Variants in SPECC1 observed in about 807,000 individuals in gnomAD.
SPECC1 encodes cytospin-B.
SPECC1 carries 62 observed loss-of-function variants against 104.1 expected under a neutral mutation model. That is an observed-to-expected ratio of 0.60 (90% CI 0.49 to 0.74). The LOEUF (loss-of-function observed/expected upper bound fraction) is 0.74, where lower values mean the gene tolerates loss of function less well. Ranked by LOEUF, SPECC1 falls within the 30% of genes least tolerant of loss-of-function variation. The pLI, the probability that SPECC1 is intolerant of heterozygous loss-of-function variation, is 0.00. For missense variants in SPECC1, 1,306 were observed against 1,310.5 expected, an observed-to-expected ratio of 1.00 and a Z score of 0.05; for synonymous variants, 513 against 501.6, an observed-to-expected ratio of 1.02 and a Z score of -0.30.
At chr17:20,265,031 G>C (rs190434523) in intron 12 of SPECC1, among the ~76,000 whole-genome samples, 3 of 152,234 alleles carry the variant, frequency 2.0e-5, no homozygotes, top group Non-Finnish European at 4.4e-5. Flanking sequence ...ACCCACTGTT[G>C]GTGGGTACTT....
intron 1 of SPECC1, among the ~76,000 whole-genome samples, chr17:20,030,702 A>G (rs2044773681): frequency 6.6e-6 from 1 of 152,188 alleles, no homozygotes; most frequent in Non-Finnish European, 1.5e-5. Context: ...TTCTGTGAGA[A>G]TTCAGATTAC....
intron 3 of SPECC1, chr17:20,156,318 GC>G: frequency 7.7e-7 from 1 of 1,292,926 alleles, no homozygotes; most frequent in Non-Finnish European, 9.9e-7. Flanking sequence ...CCTCCGGCTC[GC>G]GGCGCCGACT....
At position 20,184,181 on chromosome 17, in the gene SPECC1, CAAAAAAA is replaced by C. The variant is rs759475722; in HGVS notation, c.284-20136_284-20130del. Among the ~76,000 whole-genome samples, 424 of 44,212 alleles carry C rather than the reference CAAAAAAA, an allele frequency of 9.6e-3. 6 individuals are homozygous for C. The highest frequency in any genetic ancestry group is 0.03 in the African/African-American group (393 of 12,992). 29.0% of individuals were successfully genotyped at this position (44,212 alleles called of 152,430 possible). A position where few individuals can be genotyped will look rare whatever the true frequency, so the allele number is the denominator to read the frequency against. On this transcript the variant is annotated intron_variant, in intron 3 of 14. Coordinates refer to ENST00000395527, the MANE Select transcript of SPECC1 (RefSeq NM_001243439.2). ...GGGTGACAGAGCAAGACTCCTGTCT[CAAAAAAA>C]AAAAAAAAAAAAAAAGATGTAGAGG...
rs1203681682 is a variant in SPECC1, at chr17:20,315,349, G to GC, written c.*1287dup. The GC allele has an allele frequency of 1.3e-5, 3 of 232,744 alleles. No individual in the cohort carries two copies. Among genetic ancestry groups the GC allele is most frequent in the Non-Finnish European group, 1.7e-5 (2 of 117,844 alleles). 14.4% of individuals were successfully genotyped at this position (232,744 alleles called of 1,614,324 possible). Reference sequence around the variant, plus strand: ...ACTGGTCACCTTAAGTGGCAGCAGAGCCCTCCCCAGCGGTGCCCCAGTCCC... The same window carrying GC: ...ACTGGTCACCTTAAGTGGCAGCAGAGCCCCTCCCCAGCGGTGCCCCAGTCCC... On this transcript the variant is annotated 3_prime_UTR_variant, in exon 15 of 15. Transcript: ENST00000395527.
intron 1 of SPECC1, among the ~76,000 whole-genome samples, chr17:20,081,521 C>T (rs1234574529): frequency 6.6e-6 from 1 of 152,012 alleles, no homozygotes; most frequent in Non-Finnish European, 1.5e-5. Context: ...GACACAGGGA[C>T]CGACTGGAGG....
At chr17:20,287,228 T>C (rs1335298412) in intron 12 of SPECC1, among the ~76,000 whole-genome samples, 2 of 152,006 alleles carry the variant, frequency 1.3e-5, no homozygotes, top group African/African-American at 4.8e-5. Context: ...CCATCCTGGC[T>C]AACAAGGTGA....
intron 3 of SPECC1, among the ~76,000 whole-genome samples, chr17:20,193,289 G>C (rs2035793965): frequency 6.6e-6 from 1 of 152,132 alleles, no homozygotes; most frequent in Non-Finnish European, 1.5e-5. Context: ...CCTGTATCTT[G>C]TGCCAACCTG....
intron 1 of SPECC1, among the ~76,000 whole-genome samples, chr17:20,016,822 G>A (rs1053422631): frequency 3.9e-5 from 6 of 152,256 alleles, no homozygotes; most frequent in African/African-American, 1.4e-4. Flanking sequence ...GCAGGGCGCG[G>A]GACTGGCAGG....
chr17:20,012,873 C>T (rs1175846505), intron 1 of SPECC1, among the ~76,000 whole-genome samples: 1 of 152,162 alleles, frequency 6.6e-6, no homozygotes, highest in Non-Finnish European at 1.5e-5. Context: ...CCCCTGGCAA[C>T]CACCATTCTG....
At chr17:20,138,499 C>G (rs1337631367) in intron 3 of SPECC1, among the ~76,000 whole-genome samples, 1 of 152,108 alleles carries the variant, frequency 6.6e-6, no homozygotes, top group Non-Finnish European at 1.5e-5. Flanking sequence ...TTCACTGCCC[C>G]CAAAATCCTC....
At chr17:20,300,790 T>A (rs2041551993) in intron 13 of SPECC1, among the ~76,000 whole-genome samples, 1 of 152,196 alleles carries the variant, frequency 6.6e-6, no homozygotes, top group South Asian at 2.1e-4. Flanking sequence ...GTTGAATTTC[T>A]TCCCCAGACC....
At chr17:20,237,157 A>G in intron 7 of SPECC1, 1 of 1,350,372 alleles carries the variant, frequency 7.4e-7, no homozygotes, top group Non-Finnish European at 9.5e-7. Context: ...TGGAGAATAA[A>G]ATGAAGTTCT....
At chr17:20,046,010 T>C (rs2045525575) in intron 1 of SPECC1, among the ~76,000 whole-genome samples, 1 of 137,234 alleles carries the variant, frequency 7.3e-6, no homozygotes, top group African/African-American at 2.6e-5. Context: ...GTTATACCTT[T>C]CTAAAAAAAA....
chr17:20,278,695 C>G (rs1291031666), intron 12 of SPECC1, among the ~76,000 whole-genome samples: 1 of 134,750 alleles, frequency 7.4e-6, no homozygotes, highest in Non-Finnish European at 1.6e-5. Context: ...CAGAGTGAGA[C>G]CCTGTCTCTC....
chr17:20,249,838 G>A (rs544051223), intron 9 of SPECC1, among the ~76,000 whole-genome samples: 1 of 152,252 alleles, frequency 6.6e-6, no homozygotes, highest in Non-Finnish European at 1.5e-5. Context: ...AAAATCTCAT[G>A]TGTAATTGGA....
intron 4 of SPECC1, among the ~76,000 whole-genome samples, chr17:20,215,999 A>G (rs1159776228): frequency 6.6e-6 from 1 of 152,232 alleles, no homozygotes; most frequent in Non-Finnish European, 1.5e-5. Context: ...ACCCTTAAGT[A>G]ACTTCACAGC....
chr17:20,277,251 C>T (rs780381066), intron 12 of SPECC1, among the ~76,000 whole-genome samples: 13 of 152,228 alleles, frequency 8.5e-5, no homozygotes, highest in Non-Finnish European at 1.5e-4. Flanking sequence ...GCAGGGTGCC[C>T]CTGGACAGAA....
chr17:20,273,140 C>G (rs888553512), intron 12 of SPECC1, among the ~76,000 whole-genome samples: 1 of 152,190 alleles, frequency 6.6e-6, no homozygotes, highest in East Asian at 1.9e-4. Context: ...TTCTAGTCTC[C>G]TGCTGGAGGA....
intron 3 of SPECC1, among the ~76,000 whole-genome samples, chr17:20,130,067 T>A (rs1355420612): frequency 6.6e-6 from 1 of 152,202 alleles, no homozygotes; most frequent in Non-Finnish European, 1.5e-5. Context: ...TAGAGCCACT[T>A]CTTTAAGATT....
Sources: allele counts gnomAD v4.1 joint callset (sites outside exome capture counted in the v4.1 genomes callset), GRCh38; gene constraint gnomAD v4.1.1; transcripts MANE v1.5; gene names NCBI Gene and HGNC (gene_info 2026-07-23, HGNC 2026-07-21).